The following RORA variants were observed in gnomAD, a reference collection of about 807,000 sequenced individuals.
The protein encoded by RORA is nuclear receptor ROR-alpha.
RORA carries 7 observed loss-of-function variants against 69.5 expected under a neutral mutation model. The observed-to-expected ratio is 0.10, with a 90% CI of 0.06 to 0.19. The LOEUF (loss-of-function observed/expected upper bound fraction) is 0.19, where lower values mean the gene tolerates loss of function less well. RORA is among the 10% of genes least tolerant of loss of function. RORA has a pLI of 1.00. For missense variants in RORA, 457 were observed against 663.0 expected (o/e 0.69, Z 3.41); for synonymous variants, 261 against 240.8 (o/e 1.08, Z -0.78).
intron 3 of RORA, among the ~76,000 whole-genome samples, chr15:60,520,826 T>C (rs1297513118): frequency 6.6e-6 from 1 of 152,218 alleles, no homozygotes; most frequent in East Asian, 1.9e-4. Context: ...TACTTGGCTG[T>C]CATAAAAGTT....
At chr15:60,819,824 G>A (rs919219737) in intron 1 of RORA, among the ~76,000 whole-genome samples, 15 of 149,618 alleles carry the variant, frequency 1.0e-4, no homozygotes, top group African/African-American at 3.8e-4. Flanking sequence ...GGAACTCATG[G>A]CCGGCCCCTC....
At chr15:60,763,253 A>T (rs901023111) in intron 1 of RORA, among the ~76,000 whole-genome samples, 2 of 151,850 alleles carry the variant, frequency 1.3e-5, no homozygotes, top group African/African-American at 4.8e-5. Context: ...CAGGGGCAGA[A>T]CCTATTCCCA....
At chr15:60,708,281 G>C (rs2071093707) in intron 1 of RORA, among the ~76,000 whole-genome samples, 1 of 152,004 alleles carries the variant, frequency 6.6e-6, no homozygotes, top group Admixed American at 6.6e-5. Context: ...AATTAGCTGG[G>C]CTTGGTGGTG....
At chr15:60,732,725 A>T (rs1276536162) in intron 1 of RORA, among the ~76,000 whole-genome samples, 1 of 152,018 alleles carries the variant, frequency 6.6e-6, no homozygotes, top group East Asian at 1.9e-4. Context: ...TAACCAACAC[A>T]TGAACACTTA....
Position 60,739,596 on chromosome 15 carries a change from GA to G in RORA, c.167-60911del, listed in dbSNP as rs1323428415. The stretch of plus-strand genomic sequence containing the variant: ...AAAAAAAAAAAAGTTTTTTTTAAAG[GA>G]AATACTTCACCACACTTCCAGGAAG... On this transcript the variant is annotated intron_variant, in intron 1 of 10. Transcript: ENST00000335670. Among the ~76,000 whole-genome samples the G allele has an allele frequency of 3.9e-5, 6 of 152,090 alleles. No homozygotes were observed. In the East Asian group the frequency reaches 1.2e-3, roughly 29 times the overall value.
At chr15:61,143,664 G>C (rs1045005637) in intron 1 of RORA, among the ~76,000 whole-genome samples, 1 of 152,206 alleles carries the variant, frequency 6.6e-6, no homozygotes, top group Non-Finnish European at 1.5e-5. Context: ...CATTTCAGAT[G>C]TGGGAAAATG....
chr15:61,048,919 A>C (rs1897168750), intron 1 of RORA, among the ~76,000 whole-genome samples: 1 of 152,100 alleles, frequency 6.6e-6, no homozygotes, highest in Admixed American at 6.5e-5. Flanking sequence ...CTCTTCCTCC[A>C]CACCATCTTC....
chr15:60,809,511 G>A (rs1358890478), intron 1 of RORA, among the ~76,000 whole-genome samples: 5 of 152,068 alleles, frequency 3.3e-5, no homozygotes, highest in South Asian at 4.1e-4. Context: ...TCCATATCTC[G>A]AAATAACAGG....
At chr15:61,102,054 C>T (rs753129799) in intron 1 of RORA, among the ~76,000 whole-genome samples, 35 of 152,144 alleles carry the variant, frequency 2.3e-4, no homozygotes, top group Non-Finnish European at 4.0e-4. Flanking sequence ...AACCCCAGGT[C>T]ATCCCCCGGA....
chr15:61,074,537 G>C (rs551864769), intron 1 of RORA, among the ~76,000 whole-genome samples: 1 of 152,278 alleles, frequency 6.6e-6, no homozygotes, highest in African/African-American at 2.4e-5. Context: ...TTTAGAGTTG[G>C]CTTGAAATTG....
intron 1 of RORA, among the ~76,000 whole-genome samples, chr15:60,839,900 A>G (rs2073173435): frequency 6.6e-6 from 1 of 152,218 alleles, no homozygotes; most frequent in South Asian, 2.1e-4. Flanking sequence ...AGGTGCTCTT[A>G]GATCTTTGCT....
In RORA at chr15:60,923,103, C is replaced by T. The variant is rs1036563704; in HGVS notation, c.167-244417G>A. On this transcript the variant is annotated intron_variant, in intron 1 of 10. Coordinates refer to ENST00000335670, the MANE Select transcript of RORA (RefSeq NM_134261.3). ...TTTGTATCTTTTCTCTCTGCTCTTT[C>T]AGCACTGCCCAAAGAAGCTGTCGTT... Among the ~76,000 whole-genome samples the T allele has an allele frequency of 7.2e-5, 11 of 152,320 alleles. No individual in the cohort carries two copies. In the South Asian group the frequency reaches 1.2e-3, roughly 17 times the overall value.
At chr15:61,193,674 T>C (rs1329303520) in intron 1 of RORA, among the ~76,000 whole-genome samples, 1 of 152,206 alleles carries the variant, frequency 6.6e-6, no homozygotes, top group Non-Finnish European at 1.5e-5. Flanking sequence ...AGCAGCTCCA[T>C]TTGCTTATGA....
At chr15:60,739,539 C>T (rs1007870539) in intron 1 of RORA, among the ~76,000 whole-genome samples, 1 of 152,018 alleles carries the variant, frequency 6.6e-6, no homozygotes, top group African/African-American at 2.4e-5. Context: ...CCACTGCACT[C>T]CAGGCTGGGT....
chr15:60,496,423 C>T lies in RORA; in HGVS notation c.*1032G>A, dbSNP rs995481341. On this transcript the variant is annotated 3_prime_UTR_variant, in exon 11 of 11. Coordinates refer to ENST00000335670, the MANE Select transcript of RORA (RefSeq NM_134261.3). The surrounding 1 kb of genome is among the most constrained non-coding windows in gnomAD (Gnocchi z 4.5). ...TGTAAAATGAGCTTCTCCTCCCCCT[C>T]GCCTCCATGAGGTGGCATTTTAAAA... 14 of 151,922 alleles carry T rather than the reference C, an allele frequency of 9.2e-5. No homozygotes were observed. The highest frequency in any genetic ancestry group is 2.6e-4 in the Admixed American group (4 of 15,256). The allele number at this position is 151,922 out of a possible 1,614,324, so 9.4% of individuals were successfully genotyped here.
chr15:60,908,086 G>A (rs1048529510), intron 1 of RORA, among the ~76,000 whole-genome samples: 2 of 152,170 alleles, frequency 1.3e-5, no homozygotes, highest in African/African-American at 4.8e-5. Context: ...GGGCTCCTGA[G>A]TTTTTCTCTG....
chr15:60,738,572 G>A (rs1225247966), intron 1 of RORA, among the ~76,000 whole-genome samples: 1 of 152,202 alleles, frequency 6.6e-6, no homozygotes, highest in Non-Finnish European at 1.5e-5. Flanking sequence ...TTGGTATTAA[G>A]ACAAATATAA....
intron 2 of RORA, among the ~76,000 whole-genome samples, chr15:60,620,832 G>C (rs1179085921): frequency 6.6e-6 from 1 of 152,266 alleles, no homozygotes; most frequent in Non-Finnish European, 1.5e-5. Flanking sequence ...CTGCTGGGGA[G>C]AGGGGGACAG....
intron 1 of RORA, among the ~76,000 whole-genome samples, chr15:61,162,311 G>A (rs905295774): frequency 6.6e-6 from 1 of 152,052 alleles, no homozygotes; most frequent in Admixed American, 6.6e-5. Context: ...CTCGGTCCTG[G>A]GTCATTACAG....
Sources: gnomAD v4.1 joint callset for allele counts (sites outside exome capture counted in the v4.1 genomes callset) on GRCh38, gnomAD v4.1.1 for gene constraint, Gnocchi (gnomAD v3.1) non-coding constraint, MANE v1.5 for transcripts, NCBI Gene and HGNC (gene_info 2026-07-23, HGNC 2026-07-21) for gene names.